Variants in TRIP12 observed in about 807,000 individuals in gnomAD.
TRIP12 encodes E3 ubiquitin-protein ligase TRIP12.
TRIP12 carries 25 observed loss-of-function variants against 244.2 expected under a neutral mutation model. The ratio of observed to expected loss-of-function variants is 0.10; its 90% CI spans 0.07 to 0.14. TRIP12 has a LOEUF of 0.14. TRIP12 is among the 10% of genes least tolerant of loss of function. The pLI is 1.00. For synonymous variants in TRIP12, 905 were observed against 873.1 expected, an observed-to-expected ratio of 1.04 and a Z score of -0.64; for missense variants, 1,677 against 2,486.4, an observed-to-expected ratio of 0.67 and a Z score of 6.92.
At chr2:229,890,165 C>T (rs112316121) in intron 1 of TRIP12, among the ~76,000 whole-genome samples, 10 of 151,574 alleles carry the variant, frequency 6.6e-5, no homozygotes, top group African/African-American at 1.7e-4. Context: ...CTGCAACCTC[C>T]GCCTCCCAGG....
intron 2 of TRIP12, among the ~76,000 whole-genome samples, chr2:229,865,535 TATGCATGTATTACATAATATAC>T (rs199554170): frequency 0.011 from 1,703 of 152,044 alleles, 75 homozygotes; most frequent in East Asian, 0.085. Flanking sequence ...TTTGGTAATA[TATGCATGTATTACATAATATAC>T]ATGCATATAT....
chr2:229,877,935 G>T (rs2063936028), intron 2 of TRIP12, among the ~76,000 whole-genome samples: 3 of 152,196 alleles, frequency 2.0e-5, no homozygotes, highest in Admixed American at 6.5e-5. Flanking sequence ...GTCACATGAA[G>T]TTGAGTGTGG....
chr2:229,854,686 A>G lies in TRIP12; in HGVS notation c.1027+4086T>C, dbSNP rs561572461. The stretch of plus-strand genomic sequence containing the variant: ...TACCACATTTTGCCCCTATATCCTT[A>G]AGAAACATTACCTGCCAATTAATTC... On this transcript the variant is annotated intron_variant, in intron 4 of 41. Transcript: ENST00000675903. Among the ~76,000 whole-genome samples the G allele has an allele frequency of 3.3e-5, 5 of 152,298 alleles. No individual in the cohort carries two copies. The South Asian group carries it at 8.3e-4, about 25-fold the overall frequency.
chr2:229,882,737 C>T (rs1352445919), intron 1 of TRIP12, among the ~76,000 whole-genome samples: 6 of 152,164 alleles, frequency 3.9e-5, no homozygotes, highest in African/African-American at 9.7e-5. Flanking sequence ...CTATTAAACG[C>T]CTACTGTATG....
chr2:229,898,872 T>C (rs2069736629), intron 1 of TRIP12, among the ~76,000 whole-genome samples: 2 of 152,112 alleles, frequency 1.3e-5, no homozygotes, highest in South Asian at 4.1e-4. Flanking sequence ...ATTTTTATTT[T>C]TTGTAGAGAC....
At position 229,872,442 on chromosome 2, in the gene TRIP12, T is replaced by C. The variant is rs2062825055; in HGVS notation, c.98+7540A>G. 2.0e-5 allele frequency among the ~76,000 whole-genome samples: 3 copies of C among 152,080 alleles called. No individual in the cohort carries two copies. The South Asian group carries it at 6.2e-4, about 31-fold the overall frequency. On this transcript the variant is annotated intron_variant, in intron 2 of 41. Coordinates refer to ENST00000675903, the MANE Select transcript of TRIP12 (RefSeq NM_001348323.3). ...AGCCAGCTGTGGTGACAGGCACCTG[T>C]AGTCCCAGCTGCTCAGAAGGCTGAA...
rs1199018814 is a variant in TRIP12 at position 229,807,872 on chromosome 2, C to T, written c.2340-8G>A. Reference sequence around the variant, plus strand: ...AAACATGGCATAAGTTCACTGAAAACAAAAAGTACAATAATTTTAGTAACT... The same window carrying T: ...AAACATGGCATAAGTTCACTGAAAATAAAAAGTACAATAATTTTAGTAACT... On this transcript the variant is annotated splice_polypyrimidine_tract_variant and splice_region_variant and intron_variant, in intron 16 of 41. Coordinates refer to ENST00000675903, the MANE Select transcript of TRIP12 (RefSeq NM_001348323.3). The T allele has an allele frequency of 1.2e-6, 2 of 1,606,142 alleles. No individual in the cohort carries two copies. The highest frequency in any genetic ancestry group is 1.7e-6 in the Non-Finnish European group (2 of 1,176,054).
At chr2:229,820,476 TTAAAAACTAC>T (rs2049753764) in intron 8 of TRIP12, among the ~76,000 whole-genome samples, 1 of 151,714 alleles carries the variant, frequency 6.6e-6, no homozygotes, top group African/African-American at 2.4e-5. Context: ...TTTTATACTC[TTAAAAACTAC>T]TGAGGTACCA....
chr2:229,790,720 G>C (rs1055822224), intron 30 of TRIP12, among the ~76,000 whole-genome samples: 2 of 152,158 alleles, frequency 1.3e-5, no homozygotes, highest in African/African-American at 4.8e-5. Context: ...TACATTACCT[G>C]GCATCACTTT....
chr2:229,814,791 A>C (rs1272471043), intron 11 of TRIP12, among the ~76,000 whole-genome samples: 1 of 152,224 alleles, frequency 6.6e-6, no homozygotes, highest in African/African-American at 2.4e-5. Flanking sequence ...CAGCTACATA[A>C]TGAGGGTATA....
chr2:229,922,979 A>G (rs1329141240), upstream of TRIP12, among the ~76,000 whole-genome samples: 1 of 152,298 alleles, frequency 6.6e-6, no homozygotes, highest in East Asian at 1.9e-4. Context: ...GACTCAGCCA[A>G]GTGTCCCAAG....
chr2:229,789,028 G>A, intron 31 of TRIP12, 88 bp from the exon 32 acceptor site: 2 of 1,239,378 alleles, frequency 1.6e-6, no homozygotes, highest in Non-Finnish European at 2.2e-6. Context: ...CCAAGTCCAT[G>A]CAAAGTACCC....
At chr2:229,815,733 A>G (rs2048344012) in intron 9 of TRIP12, among the ~76,000 whole-genome samples, 1 of 152,074 alleles carries the variant, frequency 6.6e-6, no homozygotes, top group Non-Finnish European at 1.5e-5. Flanking sequence ...ATTCAGGACC[A>G]TAACTTAAAC....
At chr2:229,922,675 G>C, upstream of TRIP12, 1 of 1,535,174 alleles carries the variant, frequency 6.5e-7, no homozygotes, top group Non-Finnish European at 8.9e-7. Context: ...GGCCCGGGAC[G>C]CAGGCTGTGC....
intron 37 of TRIP12, among the ~76,000 whole-genome samples, chr2:229,775,883 G>C (rs2036095618): frequency 2.0e-5 from 3 of 151,794 alleles, no homozygotes; most frequent in Admixed American, 1.3e-4. Context: ...TCAATTTCTG[G>C]AGTGTGGATT....
At chr2:229,837,351 C>T (rs896038363) in intron 5 of TRIP12, among the ~76,000 whole-genome samples, 1 of 152,050 alleles carries the variant, frequency 6.6e-6, no homozygotes, top group Non-Finnish European at 1.5e-5. Context: ...TATATTAATG[C>T]TGGCTGGGTA....
chr2:229,783,838 C>T (rs924106687), intron 34 of TRIP12, among the ~76,000 whole-genome samples: 10 of 148,402 alleles, frequency 6.7e-5, no homozygotes, highest in South Asian at 2.1e-4. Flanking sequence ...AGGCCAGGCA[C>T]GGTGGCTCAT....
chr2:229,799,745 A>T (rs1437054930), intron 21 of TRIP12, among the ~76,000 whole-genome samples: 1 of 151,852 alleles, frequency 6.6e-6, no homozygotes, highest in East Asian at 1.9e-4. Flanking sequence ...ACTGCACTCC[A>T]GCCTGGGAGA....
At chr2:229,896,349 T>C (rs2068817341) in intron 1 of TRIP12, among the ~76,000 whole-genome samples, 1 of 152,044 alleles carries the variant, frequency 6.6e-6, no homozygotes, top group Admixed American at 6.6e-5. Context: ...TTAAAAATAA[T>C]AAACTCAGCC....
Sources: gnomAD v4.1 joint callset for allele counts (sites outside exome capture counted in the v4.1 genomes callset) on GRCh38, gnomAD v4.1.1 for gene constraint, MANE v1.5 for transcripts, NCBI Gene and HGNC (gene_info 2026-07-23, HGNC 2026-07-21) for gene names.